Variants in FZR1 observed in about 807,000 individuals in gnomAD.
The protein encoded by FZR1 is fizzy and cell division cycle 20 related 1.
Under a neutral mutation model 63.6 loss-of-function variants are expected in FZR1, and 11 were observed. The ratio of observed to expected loss-of-function variants is 0.17; its 90% CI spans 0.11 to 0.29. The LOEUF is 0.29. Among genes scored for constraint, FZR1 ranks in the 10% least tolerant of loss-of-function variants. The pLI is 1.00. For synonymous variants in FZR1, 328 were observed against 297.9 expected (o/e 1.10, Z -1.04); for missense variants, 440 against 687.5 (o/e 0.64, Z 4.03).
intron 1 of FZR1, among the ~76,000 whole-genome samples, chr19:3,507,499 C>T (rs571990912): frequency 1.3e-5 from 2 of 152,274 alleles, no homozygotes; most frequent in South Asian, 2.1e-4. Flanking sequence ...CAAACTCATC[C>T]TCTGGTTCAG....
chr19:3,524,533 G>A (rs2083133548), intron 2 of FZR1, among the ~76,000 whole-genome samples: 1 of 152,246 alleles, frequency 6.6e-6, no homozygotes, highest in African/African-American at 2.4e-5. Context: ...GTCACAGGCT[G>A]GGGGCAGGGA....
intron 7 of FZR1, among the ~76,000 whole-genome samples, chr19:3,528,785 G>T (rs1212079643): frequency 7.7e-6 from 1 of 130,044 alleles, no homozygotes; most frequent in African/African-American, 3.0e-5. Context: ...ATGGGTGCGT[G>T]GATGGGAGAG....
chr19:3,526,928 AG>A lies in FZR1; in HGVS notation c.388-49del, dbSNP rs1425376826. 1.5e-6 allele frequency: 2 copies of A among 1,296,934 alleles called. No homozygotes were observed. Among genetic ancestry groups the A allele is most frequent in the East Asian group, 4.6e-5 (2 of 43,438 alleles). 80.3% of individuals were successfully genotyped at this position (1,296,934 alleles called of 1,614,324 possible). ...GAGCGTGGGCTGCTGGGGGGCTCTG[AG>A]GGTCCTGCGGCCTGGGCGTGCGCTC... On this transcript the variant is annotated intron_variant, in intron 5 of 13. Coordinates refer to ENST00000441788, the MANE Select transcript of FZR1 (RefSeq NM_016263.4). The surrounding 1 kb of genome is among the most constrained non-coding windows in gnomAD (Gnocchi z 5.4).
At chr19:3,534,264 TCTGCTTGTG>T (rs1220063771) in intron 12 of FZR1, 148 bp from the exon 13 acceptor site, 1 of 481,410 alleles carries the variant, frequency 2.1e-6, no homozygotes, top group Non-Finnish European at 3.7e-6. Context: ...AACCTTGGTT[TCTGCTTGTG>T]GTGGCCCCAG....
chr19:3,519,307 C>T (rs1240050378), intron 1 of FZR1, among the ~76,000 whole-genome samples: 1 of 152,230 alleles, frequency 6.6e-6, no homozygotes, highest in Non-Finnish European at 1.5e-5. Context: ...CAGTCCGGAT[C>T]GTCTCTGCCC....
intron 1 of FZR1, 113 bp from the exon 2 acceptor site, chr19:3,522,843 C>T: frequency 2.9e-6 from 2 of 680,806 alleles, no homozygotes; most frequent in Non-Finnish European, 5.4e-6. Flanking sequence ...ACAGAGGAGC[C>T]AGGAGGACCC....
intron 1 of FZR1, among the ~76,000 whole-genome samples, chr19:3,519,897 C>A (rs2083085935): frequency 6.6e-6 from 1 of 152,128 alleles, no homozygotes; most frequent in Non-Finnish European, 1.5e-5. Flanking sequence ...CCACAGCTCT[C>A]CTGGGGCTCA....
At position 3,511,762 on chromosome 19, in the gene FZR1, C is replaced by T. The variant is rs922540683; in HGVS notation, c.-35+5288C>T. On this transcript the variant is annotated intron_variant, in intron 1 of 13. Transcript: ENST00000441788. Reference sequence around the variant, plus strand: ...CAGGCACCGGCCTCCAACAGTAACTCGCCTCGCCATGGCTCACACGGGCAC... The same window carrying T: ...CAGGCACCGGCCTCCAACAGTAACTTGCCTCGCCATGGCTCACACGGGCAC... Among the ~76,000 whole-genome samples the T allele has an allele frequency of 2.6e-5, 4 of 152,122 alleles. No individual in the cohort carries two copies. In the South Asian group the frequency reaches 8.3e-4, roughly 32 times the overall value.
rs566310762 is a variant in FZR1 at position 3,522,599 on chromosome 19, C to G, written c.-34-357C>G. ...GCAGACGCACACGCACGTGGGTCCC[C>G]ATGGCTCCTCGGGACATGGAGGCTG... On this transcript the variant is annotated intron_variant, in intron 1 of 13. Coordinates refer to ENST00000441788, the MANE Select transcript of FZR1 (RefSeq NM_016263.4). 4.9e-3 allele frequency among the ~76,000 whole-genome samples: 742 copies of G among 152,312 alleles called. 5 individuals carry two copies. Among genetic ancestry groups the G allele is most frequent in the Admixed American group, 7.3e-3 (112 of 15,300 alleles).
intron 1 of FZR1, among the ~76,000 whole-genome samples, chr19:3,508,186 GC>G (rs1251027011): frequency 6.7e-6 from 1 of 149,958 alleles, no homozygotes; most frequent in Non-Finnish European, 1.5e-5. Context: ...TCAAGGTGGG[GC>G]TACATTGATT....
intron 1 of FZR1, among the ~76,000 whole-genome samples, chr19:3,508,447 G>T (rs1450686890): frequency 1.3e-5 from 2 of 152,084 alleles, no homozygotes; most frequent in Non-Finnish European, 2.9e-5. Flanking sequence ...TGCCCGCCTC[G>T]AGGCCTCCCA....
chr19:3,507,439 C>T (rs1170366224), intron 1 of FZR1, among the ~76,000 whole-genome samples: 1 of 151,968 alleles, frequency 6.6e-6, no homozygotes, highest in African/African-American at 2.4e-5. Context: ...CCCCGATATG[C>T]AGATGTTCAG....
Position 3,526,068 on chromosome 19 carries a change from C to A in FZR1, c.196-52C>A. On this transcript the variant is annotated intron_variant, in intron 3 of 13. Transcript: ENST00000441788. This position sits in a 1 kb window ranked among gnomAD's most constrained non-coding sequence, Gnocchi z 5.4. The stretch of plus-strand genomic sequence containing the variant: ...CCCTCCCAGCCTCCTTGCTCTAGGG[C>A]CGGGAACAAGCGGGCTCCTCGACCC... 6.2e-7 allele frequency: 1 copy of A among 1,611,562 alleles called. No homozygotes were observed.
chr19:3,530,433 C>CGCATGGGAGAGT, intron 7 of FZR1, among the ~76,000 whole-genome samples: 1 of 68,708 alleles, frequency 1.5e-5, no homozygotes, highest in African/African-American at 4.1e-5. Context: ...CATGGGAGAG[C>CGCATGGGAGAGT]GGATGGGAGA....
At chr19:3,527,157 G>A (rs568451058) in intron 6 of FZR1, 95 bp downstream of exon 6, 28 of 977,550 alleles carry the variant, frequency 2.9e-5, no homozygotes, top group East Asian at 4.8e-5. Context: ...CTGTCCCTGC[G>A]GGTCCTGGTG....
intron 7 of FZR1, among the ~76,000 whole-genome samples, chr19:3,528,454 C>T (rs907266969): frequency 3.3e-5 from 5 of 152,254 alleles, no homozygotes; most frequent in Non-Finnish European, 7.3e-5. Flanking sequence ...CTCCCGGCAG[C>T]AGGAGCCGTG....
intron 2 of FZR1, 39 bp downstream of exon 2, chr19:3,523,097 TCC>T: frequency 8.1e-7 from 1 of 1,238,102 alleles, no homozygotes; most frequent in Non-Finnish European, 1.2e-6. Flanking sequence ...TGGCTCCCCC[TCC>T]CCCAGCTGCC....
At position 3,515,849 on chromosome 19, in the gene FZR1, C is replaced by G. The variant is rs2065234528; in HGVS notation, c.-34-7107C>G. ...GCTTCTTTCCTCCCCAATCCTCGTCCTCTCCTTCCTCTCCCCACCCACCCC... is the reference window on the plus strand; with the variant it reads ...GCTTCTTTCCTCCCCAATCCTCGTCGTCTCCTTCCTCTCCCCACCCACCCC... On this transcript the variant is annotated intron_variant, in intron 1 of 13. Coordinates refer to ENST00000441788, the MANE Select transcript of FZR1 (RefSeq NM_016263.4). The surrounding 1 kb of genome is among the most constrained non-coding windows in gnomAD (Gnocchi z 4.6). 6.6e-6 allele frequency among the ~76,000 whole-genome samples: 1 copy of G among 151,876 alleles called. No individual in the cohort carries two copies. The highest frequency in any genetic ancestry group is 1.5e-5 in the Non-Finnish European group (1 of 67,976).
chr19:3,533,074 G>A lies in FZR1; in HGVS notation c.1243-220G>A, dbSNP rs1158308824. On this transcript the variant is annotated intron_variant, in intron 11 of 13. Coordinates refer to ENST00000441788, the MANE Select transcript of FZR1 (RefSeq NM_016263.4). The surrounding 1 kb of genome is among the most constrained non-coding windows in gnomAD (Gnocchi z 4.9). ...TGGGCCCCGTTTGGGTCCTTGTTGG[G>A]CTCCAGCCTTTGGCGGTGGGTGGAG... Among the ~76,000 whole-genome samples the A allele has an allele frequency of 6.6e-6, 1 of 152,152 alleles. No individual in the cohort carries two copies. Among genetic ancestry groups the A allele is most frequent in the Non-Finnish European group, 1.5e-5 (1 of 68,020 alleles).
Sources: allele counts gnomAD v4.1 joint callset (sites outside exome capture counted in the v4.1 genomes callset), GRCh38; gene constraint gnomAD v4.1.1; non-coding constraint Gnocchi (gnomAD v3.1); transcripts MANE v1.5; gene names NCBI Gene and HGNC (gene_info 2026-07-23, HGNC 2026-07-21).